LRRC4C: variants seen among roughly 807,000 people sequenced by gnomAD.
LRRC4C encodes the protein leucine rich repeat containing 4C.
A neutral mutation model predicts 33.6 loss-of-function variants in LRRC4C; 5 were observed. The ratio of observed to expected loss-of-function variants is 0.15; its 90% CI spans 0.08 to 0.31. The LOEUF is 0.31. Ranked by LOEUF, LRRC4C falls within the 10% of genes least tolerant of loss-of-function variation. The probability of loss-of-function intolerance (pLI) is 1.00; values close to 1 mark genes in which losing one functional copy is unlikely to be tolerated. For missense variants in LRRC4C, 560 were observed against 796.7 expected (o/e 0.70, Z 3.58); for synonymous variants, 329 against 302.0 (o/e 1.09, Z -0.93).
chr11:40,611,563 C>A (rs761549257), intron 3 of LRRC4C, among the ~76,000 whole-genome samples: 1 of 151,642 alleles, frequency 6.6e-6, no homozygotes, highest in Non-Finnish European at 1.5e-5. Flanking sequence ...AAATAATCAA[C>A]AGAGAAAAGG....
chr11:41,126,028 TAA>T, intron 1 of LRRC4C, among the ~76,000 whole-genome samples: 1 of 151,636 alleles, frequency 6.6e-6, no homozygotes, highest in East Asian at 1.9e-4. Context: ...GTAGAGAAAC[TAA>T]AAAAAATAAC....
chr11:40,853,250 T>C (rs1352337999), intron 2 of LRRC4C, among the ~76,000 whole-genome samples: 1 of 152,068 alleles, frequency 6.6e-6, no homozygotes, highest in Admixed American at 6.6e-5. Context: ...TCATTTACTA[T>C]ACTATGCTTT....
chr11:41,129,903 A>T (rs1013932699), intron 1 of LRRC4C, among the ~76,000 whole-genome samples: 1 of 151,966 alleles, frequency 6.6e-6, no homozygotes, highest in Non-Finnish European at 1.5e-5. Flanking sequence ...GGTTGGGATC[A>T]CTTGGCTGTA....
intron 1 of LRRC4C, among the ~76,000 whole-genome samples, chr11:41,400,051 G>C (rs571462054): frequency 6.6e-6 from 1 of 152,016 alleles, no homozygotes; most frequent in African/African-American, 2.4e-5. Context: ...CAATTTTGAG[G>C]AAAGTCTCAT....
At chr11:40,873,618 G>T (rs1954752136) in intron 2 of LRRC4C, among the ~76,000 whole-genome samples, 1 of 152,060 alleles carries the variant, frequency 6.6e-6, no homozygotes, top group African/African-American at 2.4e-5. Flanking sequence ...ACCCCAAATT[G>T]TAAATGTCTT....
At chr11:40,520,297 T>C (rs1479924329) in intron 3 of LRRC4C, among the ~76,000 whole-genome samples, 3 of 152,190 alleles carry the variant, frequency 2.0e-5, no homozygotes, top group African/African-American at 7.2e-5. Context: ...TGGTAAACTC[T>C]TTGGTGCAGG....
At chr11:41,285,063 G>C (rs1949781968) in intron 1 of LRRC4C, among the ~76,000 whole-genome samples, 1 of 152,194 alleles carries the variant, frequency 6.6e-6, no homozygotes, top group Admixed American at 6.5e-5. Flanking sequence ...CCCAGGAAAA[G>C]TAGATTGTTG....
At chr11:40,173,805 G>A (rs903235534) in intron 5 of LRRC4C, among the ~76,000 whole-genome samples, 19 of 152,164 alleles carry the variant, frequency 1.2e-4, no homozygotes, top group African/African-American at 4.6e-4. Flanking sequence ...CATGATTTGA[G>A]TCAGTTATAG....
chr11:41,301,873 T>C (rs577789097), intron 1 of LRRC4C, among the ~76,000 whole-genome samples: 1 of 152,318 alleles, frequency 6.6e-6, no homozygotes, highest in African/African-American at 2.4e-5. Flanking sequence ...AGATTCACCA[T>C]TGTTGATATC....
intron 1 of LRRC4C, among the ~76,000 whole-genome samples, chr11:41,326,513 A>G (rs1265146825): frequency 6.6e-6 from 1 of 152,162 alleles, no homozygotes; most frequent in Non-Finnish European, 1.5e-5. Context: ...GTCCCTCTTG[A>G]GAACCCTAAT....
At chr11:41,213,895 T>C (rs549657419) in intron 1 of LRRC4C, among the ~76,000 whole-genome samples, 3 of 152,242 alleles carry the variant, frequency 2.0e-5, no homozygotes, top group African/African-American at 4.8e-5. Context: ...TGGTGCAATA[T>C]AGAACTCACA....
intron 2 of LRRC4C, among the ~76,000 whole-genome samples, chr11:40,789,033 C>T (rs1171362567): frequency 1.5e-5 from 2 of 136,148 alleles, no homozygotes; most frequent in Non-Finnish European, 3.0e-5. Context: ...GCAGAGCTTG[C>T]AGTGAGCCGA....
At chr11:41,290,423 C>T (rs1949958730) in intron 1 of LRRC4C, among the ~76,000 whole-genome samples, 4 of 152,084 alleles carry the variant, frequency 2.6e-5, no homozygotes, top group Admixed American at 1.3e-4. Flanking sequence ...GCTACAAATA[C>T]GTGTTGTAGG....
intron 1 of LRRC4C, among the ~76,000 whole-genome samples, chr11:41,069,284 C>T (rs889961048): frequency 4.6e-5 from 7 of 152,134 alleles, no homozygotes; most frequent in Non-Finnish European, 1.0e-4. Context: ...ATAATACAAG[C>T]TATTTATGAC....
rs1263853004 is a variant in LRRC4C at position 41,334,038 on chromosome 11, C to T, written c.-496+125393G>A. Among the ~76,000 whole-genome samples the T allele has an allele frequency of 3.3e-5, 5 of 152,154 alleles. No individual in the cohort carries two copies. In the East Asian group the frequency reaches 7.7e-4, roughly 23 times the overall value. On this transcript the variant is annotated intron_variant, in intron 1 of 6. Coordinates refer to ENST00000528697, the MANE Select transcript of LRRC4C (RefSeq NM_001258419.2). ...CTCATAAAAATGTTACTCCCTCTGG[C>T]TTATTTAGCCAATCATGAGGTGTAA...
In LRRC4C at chr11:41,031,753, T is replaced by C. The variant is rs926319388; in HGVS notation, c.-495-98030A>G. Among the ~76,000 whole-genome samples, 9 of 152,034 alleles carry C rather than the reference T, an allele frequency of 5.9e-5. No individual in the cohort carries two copies. The South Asian group carries it at 1.4e-3, about 24-fold the overall frequency. On this transcript the variant is annotated intron_variant, in intron 1 of 6. Transcript: ENST00000528697. ...TTCAAATGCCAGTTGGCAACAGATA[T>C]GCACCTCAATTTGGAAAATCATCAG...
intron 4 of LRRC4C, among the ~76,000 whole-genome samples, chr11:40,266,956 C>T (rs1276568362): frequency 8.1e-6 from 1 of 123,972 alleles, no homozygotes; most frequent in Admixed American, 8.8e-5. Context: ...CACCCACCCA[C>T]CCACCCACAC....
chr11:40,366,490 G>A (rs934268582), intron 3 of LRRC4C, among the ~76,000 whole-genome samples: 2 of 151,868 alleles, frequency 1.3e-5, no homozygotes, highest in African/African-American at 4.8e-5. Context: ...GAGATGGTGA[G>A]ATTTCAGAGA....
intron 1 of LRRC4C, among the ~76,000 whole-genome samples, chr11:41,088,182 T>C (rs1590513446): frequency 6.6e-6 from 1 of 152,042 alleles, no homozygotes. Flanking sequence ...TAATCAGAAA[T>C]TGAGTCCCAA....
Sources: gnomAD v4.1 joint callset for allele counts (sites outside exome capture counted in the v4.1 genomes callset) on GRCh38, gnomAD v4.1.1 for gene constraint, MANE v1.5 for transcripts, NCBI Gene and HGNC (gene_info 2026-07-23, HGNC 2026-07-21) for gene names.